KCNN3: variants seen among roughly 807,000 people sequenced by gnomAD.
The protein encoded by KCNN3 is potassium calcium-activated channel subfamily N member 3, also known as small conductance calcium-activated potassium channel protein 3.
KCNN3 carries 16 observed loss-of-function variants against 62.9 expected under a neutral mutation model. The observed-to-expected ratio is 0.25, with a 90% confidence interval of 0.17 to 0.39. The LOEUF (loss-of-function observed/expected upper bound fraction) is 0.39. KCNN3 is among the 10% of genes least tolerant of loss of function. KCNN3 has a pLI of 1.00. For missense variants in KCNN3, 599 were observed against 949.4 expected (o/e 0.63, Z 4.85); for synonymous variants, 370 against 389.2 (o/e 0.95, Z 0.58).
At position 154,793,490 on chromosome 1, in the gene KCNN3, T is replaced by C. The variant is rs556664937; in HGVS notation, c.1030-21097A>G. On this transcript the variant is annotated intron_variant, in intron 2 of 7. Coordinates refer to ENST00000271915, the MANE Select transcript of KCNN3 (RefSeq NM_002249.6). The stretch of plus-strand genomic sequence containing the variant: ...CCACCAGGCTTGGGAATTAACAGAC[T>C]CCATTTAAAAGTTATAAACCACCTA... 1.1e-3 allele frequency among the ~76,000 whole-genome samples: 168 copies of C among 152,290 alleles called. 1 individual carries two copies. The highest frequency in any genetic ancestry group is 4.0e-3 in the African/African-American group (168 of 41,552).
intron 1 of KCNN3, among the ~76,000 whole-genome samples, chr1:154,856,382 T>G (rs1471040519): frequency 6.6e-6 from 1 of 152,162 alleles, no homozygotes; most frequent in Non-Finnish European, 1.5e-5. Context: ...CCTGCCAACA[T>G]GCACCATCGA....
intron 2 of KCNN3, among the ~76,000 whole-genome samples, chr1:154,775,585 T>C (rs893699665): frequency 2.8e-4 from 1 of 3,540 alleles, no homozygotes; most frequent in Non-Finnish European, 4.6e-4. Flanking sequence ...CACCCACCCA[T>C]GAGGATCCTG....
chr1:154,757,703 C>T (rs911368033), intron 3 of KCNN3, among the ~76,000 whole-genome samples: 1 of 152,148 alleles, frequency 6.6e-6, no homozygotes, highest in African/African-American at 2.4e-5. Flanking sequence ...GTTCTGGGGC[C>T]TTCGCTTCAT....
At chr1:154,766,550 C>A (rs1329419875) in intron 3 of KCNN3, among the ~76,000 whole-genome samples, 1 of 149,398 alleles carries the variant, frequency 6.7e-6, no homozygotes, top group Non-Finnish European at 1.5e-5. Context: ...AACCACAGTG[C>A]CTGGCCCCAC....
chr1:154,834,432 G>C (rs116286121), intron 1 of KCNN3, among the ~76,000 whole-genome samples: 22 of 152,166 alleles, frequency 1.4e-4, no homozygotes, highest in Non-Finnish European at 2.8e-4. Flanking sequence ...CATGGTCTAG[G>C]GGGGGTCAGG....
chr1:154,743,753 G>C (rs2101805064), intron 3 of KCNN3, among the ~76,000 whole-genome samples: 1 of 152,306 alleles, frequency 6.6e-6, no homozygotes, highest in African/African-American at 2.4e-5. Context: ...GTGCTGCCGG[G>C]TGATTTTGCT....
In KCNN3 at chr1:154,870,154, G is replaced by GT; in HGVS notation, c.-191dup. The GT allele has an allele frequency of 1.4e-6, 1 of 737,128 alleles. No individual in the cohort carries two copies. Among genetic ancestry groups the GT allele is most frequent in the Non-Finnish European group, 2.5e-6 (1 of 407,108 alleles). The allele number at this position is 737,128 out of a possible 1,614,324, so 45.7% of individuals were successfully genotyped here. A position where few individuals can be genotyped will look rare whatever the true frequency, so the allele number is the denominator to read the frequency against. On this transcript the variant is annotated 5_prime_UTR_variant, in exon 1 of 8. Coordinates refer to ENST00000271915, the MANE Select transcript of KCNN3 (RefSeq NM_002249.6). ...AGACGCTGCCACTCAAGAATGCATT[G>GT]TATTGGGCAGGGAGGGAGAGCAGGA...
At chr1:154,778,488 G>C (rs1648882497) in intron 2 of KCNN3, among the ~76,000 whole-genome samples, 2 of 152,138 alleles carry the variant, frequency 1.3e-5, no homozygotes, top group Non-Finnish European at 1.5e-5. Context: ...CACACCAGAG[G>C]GGGCAGCTTG....
chr1:154,765,884 C>G (rs1052539809), intron 3 of KCNN3, among the ~76,000 whole-genome samples: 1 of 151,892 alleles, frequency 6.6e-6, no homozygotes, highest in Admixed American at 6.6e-5. Flanking sequence ...TGACCTCAAG[C>G]GATCCACCTG....
At chr1:154,740,466 G>T (rs1700803203) in intron 3 of KCNN3, among the ~76,000 whole-genome samples, 1 of 152,138 alleles carries the variant, frequency 6.6e-6, no homozygotes, top group East Asian at 1.9e-4. Context: ...CTTAATCATA[G>T]CTCCTGGTAC....
At chr1:154,786,878 G>A (rs903317200) in intron 2 of KCNN3, among the ~76,000 whole-genome samples, 3 of 152,326 alleles carry the variant, frequency 2.0e-5, no homozygotes, top group South Asian at 2.1e-4. Context: ...CACTTGTGGC[G>A]CCTAATGGTG....
chr1:154,841,194 A>T (rs1285991807), intron 1 of KCNN3, among the ~76,000 whole-genome samples: 1 of 152,236 alleles, frequency 6.6e-6, no homozygotes, highest in Non-Finnish European at 1.5e-5. Flanking sequence ...TGGTATAAAA[A>T]TAAAAACCTC....
intron 3 of KCNN3, among the ~76,000 whole-genome samples, chr1:154,755,966 G>C (rs1225914699): frequency 1.5e-5 from 2 of 137,508 alleles, no homozygotes; most frequent in Non-Finnish European, 3.1e-5. Context: ...GGAGGGGTTG[G>C]GGAGGTGGAG....
chr1:154,714,086 G>GGGA (rs1700139570), intron 6 of KCNN3, among the ~76,000 whole-genome samples: 3 of 113,954 alleles, frequency 2.6e-5, no homozygotes, highest in African/African-American at 3.3e-5. Flanking sequence ...TGTGGTGTTT[G>GGGA]TGTGTGGTGT....
chr1:154,703,382 G>T lies in KCNN3; in HGVS notation c.*4594C>A, dbSNP rs145604425. 6.6e-6 allele frequency: 1 copy of T among 152,304 alleles called. No homozygotes were observed. Among genetic ancestry groups the T allele is most frequent in the East Asian group, 1.9e-4 (1 of 5,182 alleles). 9.4% of individuals were successfully genotyped at this position (152,304 alleles called of 1,614,324 possible). On this transcript the variant is annotated 3_prime_UTR_variant, in exon 8 of 8. Transcript: ENST00000271915. ...TGCAAGGGGAGAGAAGGGGTTGTTCGTGCCTACTGGGAAGTCACCAGATAG... is the reference window on the plus strand; with the variant it reads ...TGCAAGGGGAGAGAAGGGGTTGTTCTTGCCTACTGGGAAGTCACCAGATAG...
intron 5 of KCNN3, among the ~76,000 whole-genome samples, chr1:154,722,091 A>G (rs1284268474): frequency 6.6e-6 from 1 of 152,066 alleles, no homozygotes; most frequent in African/African-American, 2.4e-5. Flanking sequence ...AATAAATAAA[A>G]ATAGTGCTGG....
intron 7 of KCNN3, among the ~76,000 whole-genome samples, chr1:154,711,152 AC>A (rs1700065109): frequency 6.6e-6 from 1 of 151,966 alleles, no homozygotes; most frequent in Non-Finnish European, 1.5e-5. Context: ...ACCATGGAAT[AC>A]TATGCAGCCA....
chr1:154,838,318 C>A (rs972438218), intron 1 of KCNN3, among the ~76,000 whole-genome samples: 1 of 152,136 alleles, frequency 6.6e-6, no homozygotes, highest in Non-Finnish European at 1.5e-5. Flanking sequence ...TACTCCCGGG[C>A]TCCTTCTGCT....
intron 1 of KCNN3, among the ~76,000 whole-genome samples, 198 bp downstream of exon 1, chr1:154,868,834 T>C (rs951815918): frequency 1.3e-5 from 2 of 151,866 alleles, no homozygotes; most frequent in African/African-American, 2.4e-5. Context: ...GTGTTGAATA[T>C]AACTGAGCAA....
Sources: allele counts gnomAD v4.1 joint callset (sites outside exome capture counted in the v4.1 genomes callset), GRCh38; gene constraint gnomAD v4.1.1; transcripts MANE v1.5; gene names NCBI Gene and HGNC (gene_info 2026-07-23, HGNC 2026-07-21).